The following BNC2 variants were observed in gnomAD, a reference collection of about 807,000 sequenced individuals.
BNC2 encodes the protein zinc finger protein basonuclin-2.
Under a neutral mutation model 76.3 loss-of-function variants are expected in BNC2, and 20 were observed. The ratio of observed to expected loss-of-function variants is 0.26; its 90% CI spans 0.18 to 0.38. The LOEUF (loss-of-function observed/expected upper bound fraction) is 0.38. Ranked by LOEUF, BNC2 falls within the 10% of genes least tolerant of loss-of-function variation. The pLI is 1.00. For missense variants in BNC2, 1,382 were observed against 1,399.8 expected, an observed-to-expected ratio of 0.99 and a Z score of 0.20; for synonymous variants, 582 against 514.8, an observed-to-expected ratio of 1.13 and a Z score of -1.77.
At chr9:16,438,807 C>A (rs1296527703) in intron 5 of BNC2, among the ~76,000 whole-genome samples, 1 of 152,086 alleles carries the variant, frequency 6.6e-6, no homozygotes, top group Non-Finnish European at 1.5e-5. Context: ...ACGTTACCAC[C>A]GTGAGTAGAA....
intron 3 of BNC2, among the ~76,000 whole-genome samples, chr9:16,655,935 G>A (rs13295524): frequency 0.013 from 1,948 of 152,278 alleles, 24 homozygotes; most frequent in Non-Finnish European, 0.021. Context: ...GAATGAAGAT[G>A]GACACGTGTG....
Position 16,418,696 on chromosome 9 carries a change from G to C in BNC2, c.*293C>G, listed in dbSNP as rs1037827230. 1.0e-4 allele frequency: 36 copies of C among 360,228 alleles called. No homozygotes were observed. The Admixed American group carries it at 1.4e-3, about 14-fold the overall frequency. The allele number at this position is 360,228 out of a possible 1,614,324, so 22.3% of individuals were successfully genotyped here. On this transcript the variant is annotated 3_prime_UTR_variant, in exon 7 of 7. Transcript: ENST00000380672. ...TGTGTGTGTGTGTGTGTGTGTATGT[G>C]CATGTGTGTGTGTGTGTGTTTAAAG...
At chr9:16,688,720 A>G (rs1439857686) in intron 3 of BNC2, among the ~76,000 whole-genome samples, 2 of 152,194 alleles carry the variant, frequency 1.3e-5, no homozygotes, top group African/African-American at 4.8e-5. Flanking sequence ...TGAACTGTTC[A>G]GCTAATATTT....
chr9:16,463,486 C>T (rs1433009886), intron 5 of BNC2, among the ~76,000 whole-genome samples: 1 of 143,084 alleles, frequency 7.0e-6, no homozygotes, highest in Non-Finnish European at 1.5e-5. Flanking sequence ...TTAGTAGAGA[C>T]GGGGTTTCAC....
intron 3 of BNC2, among the ~76,000 whole-genome samples, chr9:16,681,354 C>T (rs373198369): frequency 1.3e-4 from 20 of 152,274 alleles, no homozygotes; most frequent in Admixed American, 1.1e-3. Flanking sequence ...GCTGAATAAA[C>T]TTTAAACTCT....
chr9:16,702,801 T>C (rs942151472), intron 3 of BNC2, among the ~76,000 whole-genome samples: 5 of 152,184 alleles, frequency 3.3e-5, no homozygotes, highest in Non-Finnish European at 7.4e-5. Flanking sequence ...TGACAATCTG[T>C]AAGCTAAATG....
At chr9:16,608,488 A>G (rs1264642386) in intron 3 of BNC2, among the ~76,000 whole-genome samples, 6 of 152,176 alleles carry the variant, frequency 3.9e-5, no homozygotes, top group African/African-American at 1.4e-4. Context: ...CAAAATAAGC[A>G]TTTAAAAATA....
At chr9:16,491,724 G>T (rs1256457800) in intron 5 of BNC2, among the ~76,000 whole-genome samples, 1 of 152,130 alleles carries the variant, frequency 6.6e-6, no homozygotes, top group Non-Finnish European at 1.5e-5. Flanking sequence ...TCGCTCATTA[G>T]GGGTGGATTA....
chr9:16,691,198 G>T (rs190543451), intron 3 of BNC2, among the ~76,000 whole-genome samples: 1 of 152,112 alleles, frequency 6.6e-6, no homozygotes, highest in African/African-American at 2.4e-5. Context: ...GGCTTTACAC[G>T]TAATATTTAT....
intron 5 of BNC2, among the ~76,000 whole-genome samples, chr9:16,529,823 C>G (rs980119462): frequency 1.3e-5 from 2 of 152,120 alleles, no homozygotes; most frequent in African/African-American, 4.8e-5. Flanking sequence ...TCTATGACCT[C>G]TCCTTCAAAA....
intron 4 of BNC2, among the ~76,000 whole-genome samples, chr9:16,564,585 A>C (rs1819116739): frequency 6.6e-6 from 1 of 152,066 alleles, no homozygotes; most frequent in Non-Finnish European, 1.5e-5. Flanking sequence ...CTAACCTTTA[A>C]ATTTCGCTCT....
intron 1 of BNC2, among the ~76,000 whole-genome samples, chr9:16,807,490 A>C (rs1361572486): frequency 6.6e-6 from 1 of 152,216 alleles, no homozygotes; most frequent in African/African-American, 2.4e-5. Flanking sequence ...GCAATTAAAA[A>C]AGATGGAAGT....
At chr9:16,650,736 A>G (rs1821770641) in intron 3 of BNC2, among the ~76,000 whole-genome samples, 1 of 152,192 alleles carries the variant, frequency 6.6e-6, no homozygotes. Flanking sequence ...AATATCTTAT[A>G]GAAGCTTCTA....
chr9:16,480,794 C>G (rs548188971), intron 5 of BNC2, among the ~76,000 whole-genome samples: 5 of 152,204 alleles, frequency 3.3e-5, no homozygotes, highest in East Asian at 3.9e-4. Context: ...CCTCCCACCC[C>G]CTCCATGGGC....
At chr9:16,461,206 G>C (rs1016813232) in intron 5 of BNC2, among the ~76,000 whole-genome samples, 2 of 152,136 alleles carry the variant, frequency 1.3e-5, no homozygotes, top group African/African-American at 2.4e-5. Context: ...ACTTGAATCA[G>C]TAAGTCTTTT....
chr9:16,836,057 G>C (rs974436207), intron 1 of BNC2, among the ~76,000 whole-genome samples: 1 of 152,166 alleles, frequency 6.6e-6, no homozygotes, highest in Admixed American at 6.5e-5. Context: ...GAGGTAGTGA[G>C]TTTAATCTCT....
At position 16,419,545 on chromosome 9, in the gene BNC2, T is replaced by C; in HGVS notation, c.2744A>G (p.Glu915Gly). ...GGCACCATATATCTTCACCAAAAAT[T>C]CATCGCGGAGGTCCTTGCTAAGGGA... ...QPSLSKDLRD[E>G]FLVKIYGAQH... is the part of the protein sequence containing the mutation. The change falls in exon 7 of 7, where the codon GAA (glutamate) becomes GGA (glycine). Residue 915 changes from glutamate (E) to glycine (G), a missense_variant. Coordinates refer to ENST00000380672, the MANE Select transcript of BNC2 (RefSeq NM_017637.6). The C allele has an allele frequency of 6.2e-7, 1 of 1,614,014 alleles. No homozygotes were observed. Among genetic ancestry groups the C allele is most frequent in the Non-Finnish European group, 8.5e-7 (1 of 1,180,006 alleles).
intron 3 of BNC2, among the ~76,000 whole-genome samples, chr9:16,626,698 C>G (rs1821003084): frequency 6.6e-6 from 1 of 152,016 alleles, no homozygotes; most frequent in Non-Finnish European, 1.5e-5. Flanking sequence ...CACACACACA[C>G]ACCCTGTATT....
At chr9:16,684,952 C>T (rs576898683) in intron 3 of BNC2, among the ~76,000 whole-genome samples, 1 of 151,890 alleles carries the variant, frequency 6.6e-6, no homozygotes, top group African/African-American at 2.4e-5. Context: ...CACCACAAGA[C>T]ATATCTTCCA....
Sources: gnomAD v4.1 joint callset for allele counts (sites outside exome capture counted in the v4.1 genomes callset) on GRCh38, gnomAD v4.1.1 for gene constraint, MANE v1.5 for transcripts, NCBI Gene and HGNC (gene_info 2026-07-23, HGNC 2026-07-21) for gene names.